The following NGEF variants were observed in gnomAD, a reference collection of about 807,000 sequenced individuals.
NGEF encodes the protein ephexin-1.
NGEF carries 31 observed loss-of-function variants against 80.9 expected under a neutral mutation model. That is an observed-to-expected ratio of 0.38 (90% CI 0.29 to 0.52). The LOEUF is 0.52. NGEF is among the 20% of genes least tolerant of loss of function. The probability of loss-of-function intolerance (pLI) is 0.84; values close to 1 mark genes in which losing one functional copy is unlikely to be tolerated. For missense variants in NGEF, 709 were observed against 926.2 expected, an observed-to-expected ratio of 0.77 and a Z score of 3.04; for synonymous variants, 371 against 370.2, an observed-to-expected ratio of 1.00 and a Z score of -0.03.
intron 1 of NGEF, among the ~76,000 whole-genome samples, chr2:233,002,345 A>G (rs145294901): frequency 6.6e-6 from 1 of 152,210 alleles, no homozygotes; most frequent in Non-Finnish European, 1.5e-5. Context: ...CAATCTGTAG[A>G]AAATATTAAT....
chr2:232,904,133 A>C (rs1692434756), intron 5 of NGEF, among the ~76,000 whole-genome samples: 1 of 152,124 alleles, frequency 6.6e-6, no homozygotes, highest in South Asian at 2.1e-4. Flanking sequence ...CTCGCTCCCC[A>C]GCAGGACAAA....
chr2:232,955,398 G>A (rs1693800999), intron 3 of NGEF, among the ~76,000 whole-genome samples: 1 of 152,058 alleles, frequency 6.6e-6, no homozygotes, highest in Admixed American at 6.6e-5. Context: ...TTTTGCTATT[G>A]TCTGCTATGA....
chr2:232,940,082 C>A (rs1172781780), intron 3 of NGEF, among the ~76,000 whole-genome samples: 7 of 152,030 alleles, frequency 4.6e-5, no homozygotes, highest in African/African-American at 1.7e-4. Context: ...GTTTGAGACA[C>A]AGGTGTGACG....
intron 8 of NGEF, 52 bp downstream of exon 8, chr2:232,891,306 C>T (rs1691877883): frequency 6.2e-7 from 1 of 1,606,036 alleles, no homozygotes; most frequent in Non-Finnish European, 8.5e-7. Flanking sequence ...CGGGAATGAC[C>T]ACAGCAAAGC....
chr2:233,009,395 T>C (rs771768206), intron 1 of NGEF, among the ~76,000 whole-genome samples: 7 of 152,162 alleles, frequency 4.6e-5, no homozygotes, highest in Non-Finnish European at 8.8e-5. Context: ...GGTCTTGCTA[T>C]TTTGCCCAGG....
chr2:232,942,536 C>A (rs1358950272), intron 3 of NGEF, among the ~76,000 whole-genome samples: 9 of 152,208 alleles, frequency 5.9e-5, no homozygotes. Context: ...CTTTCCTACT[C>A]CCTTAAAAGA....
chr2:232,920,534 G>C lies in NGEF; in HGVS notation c.578C>G (p.Thr193Ser), dbSNP rs1344312878. 1.3e-6 allele frequency: 2 copies of C among 1,557,098 alleles called. No homozygotes were observed. The highest frequency in any genetic ancestry group is 1.4e-5 in the African/African-American group (1 of 72,626). The change falls in exon 5 of 15, where the codon ACC (threonine) becomes AGC (serine). Residue 193 changes from threonine (T) to serine (S), a missense_variant. Thr to Ser is a moderately conservative substitution (Grantham distance 58). Around this residue, in one of 2 missense-constraint regions of NGEF, gnomAD observed 283 missense variants for 303.4 expected, o/e 0.93. Transcript: ENST00000264051. ...RDKSTLQEIE[T>S]RRQQDAEIED... is the part of the protein sequence containing the mutation. ...TATTTCTGCATCCTGTTGCCTCCTG[G>C]TTTCGATTTCTTGGAGAGTCGATTT...
chr2:232,954,617 C>CGGGA (rs1270698987), intron 3 of NGEF, among the ~76,000 whole-genome samples: 1 of 151,116 alleles, frequency 6.6e-6, no homozygotes, highest in Admixed American at 6.6e-5. Context: ...CCCAGCTACT[C>CGGGA]GGGAGGCTGA....
intron 5 of NGEF, among the ~76,000 whole-genome samples, chr2:232,907,151 T>C (rs1345417678): frequency 4.9e-5 from 3 of 60,844 alleles, no homozygotes; most frequent in Non-Finnish European, 9.7e-5. Flanking sequence ...CACCCAAGAA[T>C]GATCAATTAA....
At chr2:232,928,251 G>GTTC in intron 3 of NGEF, 1 of 800,928 alleles carries the variant, frequency 1.2e-6, no homozygotes, top group Non-Finnish European at 1.5e-6. Flanking sequence ...GGCGGCGGCG[G>GTTC]GGCGGGGGCG....
chr2:232,953,693 T>G (rs1181517462), intron 3 of NGEF, among the ~76,000 whole-genome samples: 2 of 152,052 alleles, frequency 1.3e-5, no homozygotes, highest in Non-Finnish European at 2.9e-5. Flanking sequence ...TGCGGTTTCT[T>G]CTATGGAGCA....
chr2:232,934,526 G>A (rs1693289031), intron 3 of NGEF, among the ~76,000 whole-genome samples: 1 of 152,030 alleles, frequency 6.6e-6, no homozygotes, highest in Non-Finnish European at 1.5e-5. Flanking sequence ...TGAGTTCTAA[G>A]GCATGTAACC....
chr2:232,935,301 A>G (rs1425843279), intron 3 of NGEF, among the ~76,000 whole-genome samples: 1 of 152,196 alleles, frequency 6.6e-6, no homozygotes, highest in Non-Finnish European at 1.5e-5. Flanking sequence ...TACCAAAGGA[A>G]CAAGACCAAA....
intron 2 of NGEF, among the ~76,000 whole-genome samples, chr2:232,972,599 C>T (rs1352429256): frequency 6.6e-6 from 1 of 152,046 alleles, no homozygotes; most frequent in Non-Finnish European, 1.5e-5. Flanking sequence ...TCTCTGTGGG[C>T]CTCAGTTGTT....
chr2:232,991,164 A>T (rs991527595), intron 1 of NGEF, among the ~76,000 whole-genome samples: 1 of 152,136 alleles, frequency 6.6e-6, no homozygotes, highest in Non-Finnish European at 1.5e-5. Flanking sequence ...CTTTCTCTTA[A>T]GATCAGGAAG....
chr2:232,941,936 G>GGCCC, intron 3 of NGEF, among the ~76,000 whole-genome samples: 1 of 135,102 alleles, frequency 7.4e-6, no homozygotes, highest in East Asian at 2.8e-4. Flanking sequence ...TATAAAAATA[G>GGCCC]TCCCTTTTCC....
intron 1 of NGEF, among the ~76,000 whole-genome samples, chr2:232,975,708 T>C (rs923087882): frequency 1.3e-5 from 2 of 152,128 alleles, no homozygotes; most frequent in African/African-American, 4.8e-5. Flanking sequence ...AGAGACTATG[T>C]GGACCCTCTT....
chr2:232,891,578 AGAC>A, intron 7 of NGEF, 91 bp from the exon 8 acceptor site: 1 of 1,432,782 alleles, frequency 7.0e-7, no homozygotes, highest in Non-Finnish European at 9.4e-7. Context: ...CCCAGGATCC[AGAC>A]GACCCACGGG....
chr2:232,932,084 C>T (rs1186498243), intron 3 of NGEF, among the ~76,000 whole-genome samples: 1 of 151,366 alleles, frequency 6.6e-6, no homozygotes, highest in Non-Finnish European at 1.5e-5. Flanking sequence ...TTCATGATGA[C>T]TTAGTATTGG....
Sources: gnomAD v4.1 joint callset for allele counts (sites outside exome capture counted in the v4.1 genomes callset) on GRCh38, gnomAD v4.1.1 for gene constraint, gnomAD v4.1.1 regional missense constraint, MANE v1.5 for transcripts, NCBI Gene and HGNC (gene_info 2026-07-23, HGNC 2026-07-21) for gene names.